Variants in ZMYND8 observed in about 807,000 individuals in gnomAD.
The protein encoded by ZMYND8 is MYND-type zinc finger-containing chromatin reader ZMYND8.
A neutral mutation model predicts 140.8 loss-of-function variants in ZMYND8; 37 were observed. The ratio of observed to expected loss-of-function variants is 0.26; its 90% CI spans 0.20 to 0.35. The LOEUF is 0.35. ZMYND8 is among the 10% of genes least tolerant of loss of function. The pLI, the probability that ZMYND8 is intolerant of heterozygous loss-of-function variation, is 1.00. For synonymous variants in ZMYND8, 592 were observed against 597.1 expected (o/e 0.99, Z 0.12); for missense variants, 1,068 against 1,570.0 (o/e 0.68, Z 5.40).
chr20:47,342,846 C>CAAAA (rs1041501318), intron 2 of ZMYND8, among the ~76,000 whole-genome samples: 3,901 of 74,832 alleles, frequency 0.052, 170 homozygotes, highest in African/African-American at 0.16. Flanking sequence ...GACTACATCT[C>CAAAA]AAAAAAAAAA....
chr20:47,262,759 G>A (rs542409852), intron 11 of ZMYND8, among the ~76,000 whole-genome samples: 5 of 152,158 alleles, frequency 3.3e-5, no homozygotes, highest in East Asian at 1.9e-4. Context: ...CATAAATAGC[G>A]ATTAAACCAA....
chr20:47,229,123 AG>A (rs2038121536), intron 17 of ZMYND8, among the ~76,000 whole-genome samples: 1 of 151,158 alleles, frequency 6.6e-6, no homozygotes. Context: ...AGCTTCCTAC[AG>A]GAACACACCA....
At chr20:47,276,207 T>TC (rs1357282437) in intron 11 of ZMYND8, 107 bp downstream of exon 11, 7 of 1,387,462 alleles carry the variant, frequency 5.0e-6, no homozygotes, top group African/African-American at 2.9e-5. Flanking sequence ...CCCCTACAGT[T>TC]CCCCACGATT....
chr20:47,272,074 TG>T (rs1421088378), intron 11 of ZMYND8, among the ~76,000 whole-genome samples: 1 of 150,950 alleles, frequency 6.6e-6, no homozygotes, highest in African/African-American at 2.4e-5. Context: ...GGGAGTAATA[TG>T]AAACCTCTTT....
At chr20:47,229,834 G>A (rs764820722) in intron 16 of ZMYND8, 28 bp from the exon 17 acceptor site, 1 of 1,583,128 alleles carries the variant, frequency 6.3e-7, no homozygotes, top group South Asian at 1.1e-5. Context: ...AAACAATTCA[G>A]CTGATCACTT....
chr20:47,354,076 T>TC (rs989722770), intron 1 of ZMYND8: 7 of 152,084 alleles, frequency 4.6e-5, no homozygotes, highest in Non-Finnish European at 8.8e-5. Context: ...TTTATTTTTT[T>TC]CCCCCTTTCC....
Position 47,313,351 on chromosome 20 carries a change from A to G in ZMYND8, c.86-3147T>C, listed in dbSNP as rs559652772. On this transcript the variant is annotated intron_variant, in intron 2 of 22. Coordinates refer to ENST00000471951, the MANE Select transcript of ZMYND8 (RefSeq NM_001281775.3). ...AAAAATTAGGCTGGAGGCCGGGCGC[A>G]GTGGCTCACGCCTGTAATCCCAGCA... is the stretch of plus-strand genomic sequence containing the variant. Among the ~76,000 whole-genome samples, 452 of 152,128 alleles carry G rather than the reference A, an allele frequency of 3.0e-3. 1 individual carries two copies. Among genetic ancestry groups the G allele is most frequent in the African/African-American group, 9.1e-3 (378 of 41,522 alleles).
chr20:47,349,833 AT>A (rs1569258268), intron 1 of ZMYND8: 2 of 1,526,798 alleles, frequency 1.3e-6, no homozygotes, highest in East Asian at 2.4e-5. Flanking sequence ...GGAAACAATT[AT>A]GCAGAACTGA....
At chr20:47,245,900 A>C in intron 14 of ZMYND8, 108 bp downstream of exon 14, 1 of 1,471,964 alleles carries the variant, frequency 6.8e-7, no homozygotes, top group South Asian at 1.4e-5. Flanking sequence ...AGAGGGTCAC[A>C]TAACTTCTGA....
chr20:47,218,796 CTG>C (rs1398843777), intron 21 of ZMYND8, among the ~76,000 whole-genome samples: 1 of 152,186 alleles, frequency 6.6e-6, no homozygotes, highest in East Asian at 1.9e-4. Flanking sequence ...CTCCCTCTGA[CTG>C]TGCCCCCAAA....
chr20:47,349,240 G>A (rs1273354394), intron 1 of ZMYND8: 4 of 152,276 alleles, frequency 2.6e-5, no homozygotes, highest in African/African-American at 9.7e-5. Context: ...ATAGGGGCTT[G>A]GAGACGAAGA....
At chr20:47,338,525 C>T (rs1197185037) in intron 2 of ZMYND8, among the ~76,000 whole-genome samples, 1 of 152,146 alleles carries the variant, frequency 6.6e-6, no homozygotes, top group East Asian at 1.9e-4. Flanking sequence ...TCCCGGTCAG[C>T]TTCACAGACA....
intron 10 of ZMYND8, among the ~76,000 whole-genome samples, chr20:47,281,149 A>C (rs2076581539): frequency 1.3e-5 from 2 of 152,196 alleles, no homozygotes; most frequent in Non-Finnish European, 2.9e-5. Flanking sequence ...AAGGTGCAAT[A>C]CTTCCTACCA....
At chr20:47,259,448 T>C (rs2074996775) in intron 12 of ZMYND8, among the ~76,000 whole-genome samples, 1 of 152,142 alleles carries the variant, frequency 6.6e-6, no homozygotes, top group Admixed American at 6.5e-5. Context: ...GGGCACCCCA[T>C]GCCTCCTCTC....
intron 2 of ZMYND8, among the ~76,000 whole-genome samples, chr20:47,313,057 T>C (rs1415105356): frequency 6.6e-6 from 1 of 152,056 alleles, no homozygotes. Context: ...AACAGAGGAC[T>C]GCTCTAAGAA....
At chr20:47,250,293 A>C (rs900949079) in intron 12 of ZMYND8, among the ~76,000 whole-genome samples, 6 of 152,120 alleles carry the variant, frequency 3.9e-5, no homozygotes, top group African/African-American at 1.4e-4. Flanking sequence ...CAAAATATTA[A>C]GAGTTTCAGT....
At chr20:47,274,974 C>T (rs964793811) in intron 11 of ZMYND8, among the ~76,000 whole-genome samples, 11 of 151,976 alleles carry the variant, frequency 7.2e-5, no homozygotes, top group African/African-American at 1.4e-4. Flanking sequence ...TAAAGAATTC[C>T]TGTGTGAAGG....
chr20:47,236,051 T>C (rs1411118088), intron 16 of ZMYND8, among the ~76,000 whole-genome samples: 1 of 152,260 alleles, frequency 6.6e-6, no homozygotes, highest in Non-Finnish European at 1.5e-5. Flanking sequence ...AATGAGTGAC[T>C]TGAATTCTCG....
At chr20:47,272,928 T>G (rs1156523227) in intron 11 of ZMYND8, among the ~76,000 whole-genome samples, 2 of 152,212 alleles carry the variant, frequency 1.3e-5, no homozygotes, top group Non-Finnish European at 2.9e-5. Flanking sequence ...GTGGAAGCAT[T>G]TTAATACAAA....
Sources: gnomAD v4.1 joint callset for allele counts (sites outside exome capture counted in the v4.1 genomes callset) on GRCh38, gnomAD v4.1.1 for gene constraint, MANE v1.5 for transcripts, NCBI Gene and HGNC (gene_info 2026-07-23, HGNC 2026-07-21) for gene names.